Variants in IQCH observed in about 807,000 individuals in gnomAD.
The protein encoded by IQCH is IQ domain-containing protein H.
Under a neutral mutation model 117.0 loss-of-function variants are expected in IQCH, and 98 were observed. The ratio of observed to expected loss-of-function variants is 0.84; its 90% CI spans 0.71 to 0.99. IQCH has a LOEUF of 0.99. Ranked by LOEUF, IQCH falls within the 50% of genes least tolerant of loss-of-function variation. The probability of loss-of-function intolerance (pLI) is 0.00; values close to 1 mark genes in which losing one functional copy is unlikely to be tolerated. For missense variants in IQCH, 1,102 were observed against 1,243.8 expected (o/e 0.89, Z 1.72); for synonymous variants, 412 against 448.2 (o/e 0.92, Z 1.02).
chr15:67,482,800 TG>T (rs747554893), intron 18 of IQCH, among the ~76,000 whole-genome samples: 33 of 152,012 alleles, frequency 2.2e-4, no homozygotes, highest in Non-Finnish European at 3.8e-4. Context: ...AGGGCAGTAA[TG>T]GGGAATCTGA....
chr15:67,329,817 A>T (rs1968579630), intron 4 of IQCH, among the ~76,000 whole-genome samples: 1 of 60,458 alleles, frequency 1.7e-5, no homozygotes, highest in South Asian at 7.8e-4. Context: ...ATTTGAGTGA[A>T]TTATACACAC....
rs904735032 is a variant in IQCH at position 67,387,045 on chromosome 15, T to TA, written c.1457-1778dup. Among the ~76,000 whole-genome samples the TA allele has an allele frequency of 1.3e-4, 20 of 152,122 alleles. No homozygotes were observed. The highest frequency in any genetic ancestry group is 3.4e-3 in the Middle Eastern group (1 of 294). On this transcript the variant is annotated intron_variant, in intron 11 of 20. Transcript: ENST00000335894. The surrounding 1 kb of genome is among the most constrained non-coding windows in gnomAD (Gnocchi z 4.8). ...TTTTTCTGCCCTATTCTTTCATACT[T>TA]AAAAAAAACTCATTAGTTTGATTTT...
chr15:67,489,446 C>T (rs1234013204), intron 18 of IQCH, among the ~76,000 whole-genome samples: 2 of 151,998 alleles, frequency 1.3e-5, no homozygotes, highest in African/African-American at 4.8e-5. Flanking sequence ...CTGCCTCAGC[C>T]TCTGAAGTAG....
rs562897515 is a variant in IQCH at position 67,433,690 on chromosome 15, A to G, written c.2505+12113A>G. Among the ~76,000 whole-genome samples the G allele has an allele frequency of 1.3e-5, 2 of 152,278 alleles. No homozygotes were observed. The highest frequency in any genetic ancestry group is 4.1e-4 in the South Asian group (2 of 4,822). ...GGGCGAGGAAAATCTGGACACTCAC[A>G]CTGCACCCTGCTGTCTCCAGCAGGT... On this transcript the variant is annotated intron_variant, in intron 16 of 20. Coordinates refer to ENST00000335894, the MANE Select transcript of IQCH (RefSeq NM_001031715.3). This position sits in a 1 kb window ranked among gnomAD's most constrained non-coding sequence, Gnocchi z 5.4.
In IQCH at chr15:67,436,595, C is replaced by T. The variant is rs980280239; in HGVS notation, c.2505+15018C>T. ...GAGAACTCAGGGGAGGGCACAAATC[C>T]GGTGTGCAGACTCCATAGGCAGGGG... On this transcript the variant is annotated intron_variant, in intron 16 of 20. Transcript: ENST00000335894. This position sits in a 1 kb window ranked among gnomAD's most constrained non-coding sequence, Gnocchi z 5.1. 3.9e-5 allele frequency among the ~76,000 whole-genome samples: 6 copies of T among 152,294 alleles called. No homozygotes were observed. The highest frequency in any genetic ancestry group is 2.1e-4 in the South Asian group (1 of 4,824).
At chr15:67,257,195 G>A (rs1221049575) in intron 1 of IQCH, among the ~76,000 whole-genome samples, 1 of 152,170 alleles carries the variant, frequency 6.6e-6, no homozygotes, top group African/African-American at 2.4e-5. Context: ...TCTTCCATAG[G>A]ACATATAGTT....
chr15:67,451,119 T>C (rs952079215), intron 16 of IQCH, among the ~76,000 whole-genome samples: 8 of 152,210 alleles, frequency 5.3e-5, no homozygotes, highest in Non-Finnish European at 1.0e-4. Flanking sequence ...TCTCTCTTCT[T>C]CTTTATTAGT....
At position 67,335,306 on chromosome 15, in the gene IQCH, A is replaced by C. The variant is rs185375553; in HGVS notation, c.388-1669A>C. On this transcript the variant is annotated intron_variant, in intron 4 of 20. Transcript: ENST00000335894. ...CTTTAGCTTGTCAGAGCAGGTTGTC[A>C]GGTGTTCTTTGTCAAAGGCTTTGAG... is the stretch of plus-strand genomic sequence containing the variant. Among the ~76,000 whole-genome samples the C allele has an allele frequency of 2.6e-5, 4 of 152,296 alleles. No individual in the cohort carries two copies. In the East Asian group the frequency reaches 5.8e-4, roughly 22 times the overall value.
chr15:67,354,934 G>T (rs567191760), intron 6 of IQCH, among the ~76,000 whole-genome samples: 1 of 152,166 alleles, frequency 6.6e-6, no homozygotes, highest in African/African-American at 2.4e-5. Context: ...GAAAATAGTG[G>T]TGTCAGTCTC....
In IQCH at chr15:67,342,499, C is replaced by T. The variant is rs1265197540; in HGVS notation, c.509-1564C>T. ...CAAGGGTTGAAATCGTGCTTATAGT[C>T]TTCAGAATTCTCAGAAAATGAAACT... is the stretch of plus-strand genomic sequence containing the variant. On this transcript the variant is annotated intron_variant, in intron 5 of 20. Transcript: ENST00000335894. This position sits in a 1 kb window ranked among gnomAD's most constrained non-coding sequence, Gnocchi z 4.7. Among the ~76,000 whole-genome samples the T allele has an allele frequency of 6.6e-6, 1 of 152,004 alleles. No individual in the cohort carries two copies.
intron 4 of IQCH, among the ~76,000 whole-genome samples, chr15:67,325,391 A>G (rs936085166): frequency 2.6e-5 from 4 of 152,068 alleles, no homozygotes; most frequent in Non-Finnish European, 5.9e-5. Context: ...AATATATGCA[A>G]TTTTCATTTG....
rs373778664 is a variant in IQCH at position 67,261,414 on chromosome 15, T to C, written c.174+20T>C. 11 of 1,565,888 alleles carry C rather than the reference T, an allele frequency of 7.0e-6. No homozygotes were observed. Among genetic ancestry groups the C allele is most frequent in the African/African-American group, 2.8e-5 (2 of 71,746 alleles). On this transcript the variant is annotated intron_variant, in intron 2 of 20. Coordinates refer to ENST00000335894, the MANE Select transcript of IQCH (RefSeq NM_001031715.3). The stretch of plus-strand genomic sequence containing the variant: ...TTAAGAGTAAGTAGAGCTTTAGATA[T>C]TAAAATACTGGAAGGAGACAAAGCA...
Position 67,465,422 on chromosome 15 carries a change from G to A in IQCH, c.2676+125G>A, listed in dbSNP as rs2082906489. The A allele has an allele frequency of 1.9e-6, 2 of 1,025,728 alleles. No individual in the cohort carries two copies. Among genetic ancestry groups the A allele is most frequent in the Non-Finnish European group, 2.8e-6 (2 of 708,184 alleles). The allele number at this position is 1,025,728 out of a possible 1,614,324, so 63.5% of individuals were successfully genotyped here. A position where few individuals can be genotyped will look rare whatever the true frequency, so the allele number is the denominator to read the frequency against. ...AAGAAAGAGCCTAAGGCAAGTCATT[G>A]GACTTGTCTGAGCAGGGTCTGGAAA... is the stretch of plus-strand genomic sequence containing the variant. On this transcript the variant is annotated intron_variant, in intron 17 of 20. Transcript: ENST00000335894. This position sits in a 1 kb window ranked among gnomAD's most constrained non-coding sequence, Gnocchi z 5.9.
intron 16 of IQCH, among the ~76,000 whole-genome samples, chr15:67,448,968 T>C (rs1259028851): frequency 6.6e-6 from 1 of 152,260 alleles, no homozygotes; most frequent in Non-Finnish European, 1.5e-5. Flanking sequence ...ATTTCTCTGA[T>C]GGCCAGTGAT....
intron 3 of IQCH, among the ~76,000 whole-genome samples, chr15:67,278,700 A>C (rs1379242408): frequency 6.6e-6 from 1 of 152,176 alleles, no homozygotes; most frequent in East Asian, 1.9e-4. Flanking sequence ...TTTAATGATA[A>C]TTTTGCAAAA....
intron 16 of IQCH, among the ~76,000 whole-genome samples, chr15:67,448,046 G>A (rs537376878): frequency 2.0e-5 from 3 of 151,992 alleles, no homozygotes; most frequent in African/African-American, 4.8e-5. Context: ...CTCAGAAGGC[G>A]GTTTGGGAGG....
Position 67,494,244 on chromosome 15 carries a change from G to T in IQCH, c.2862-14G>T, listed in dbSNP as rs2083743126. On this transcript the variant is annotated splice_polypyrimidine_tract_variant and intron_variant, in intron 19 of 20. Coordinates refer to ENST00000335894, the MANE Select transcript of IQCH (RefSeq NM_001031715.3). The surrounding 1 kb of genome is among the most constrained non-coding windows in gnomAD (Gnocchi z 5.5). ...AATCGTTGGTAAACTCATTTGTTTGGATATCATTAACAGAACAATCGGCGA... is the reference window on the plus strand; with the variant it reads ...AATCGTTGGTAAACTCATTTGTTTGTATATCATTAACAGAACAATCGGCGA... The T allele has an allele frequency of 6.3e-7, 1 of 1,585,854 alleles. No individual in the cohort carries two copies. Among genetic ancestry groups the T allele is most frequent in the Non-Finnish European group, 8.6e-7 (1 of 1,165,202 alleles).
Position 67,307,181 on chromosome 15 carries a change from T to C in IQCH, c.387+27669T>C, listed in dbSNP as rs1666667826. On this transcript the variant is annotated intron_variant, in intron 4 of 20. Coordinates refer to ENST00000335894, the MANE Select transcript of IQCH (RefSeq NM_001031715.3). The stretch of plus-strand genomic sequence containing the variant: ...GTTGCTGTAGAATTATACCAGTTCT[T>C]TGGTTCTACTTTCCAAATAAATATA... The C allele has an allele frequency of 5.3e-6, 5 of 946,630 alleles. No homozygotes were observed. The South Asian group carries it at 1.4e-4, about 26-fold the overall frequency. 58.6% of individuals were successfully genotyped at this position (946,630 alleles called of 1,614,324 possible).
At chr15:67,462,579 C>T (rs977117218) in intron 16 of IQCH, among the ~76,000 whole-genome samples, 1 of 152,072 alleles carries the variant, frequency 6.6e-6, no homozygotes, top group Non-Finnish European at 1.5e-5. Context: ...ATTGAGAAAG[C>T]TTAACCAACC....
Sources: gnomAD v4.1 joint callset for allele counts (sites outside exome capture counted in the v4.1 genomes callset) on GRCh38, gnomAD v4.1.1 for gene constraint, Gnocchi (gnomAD v3.1) non-coding constraint, MANE v1.5 for transcripts, NCBI Gene and HGNC (gene_info 2026-07-23, HGNC 2026-07-21) for gene names.